The following CACNA2D2 variants were observed in gnomAD, a reference collection of about 807,000 sequenced individuals.
CACNA2D2 encodes the protein voltage-dependent calcium channel subunit alpha-2/delta-2.
CACNA2D2 carries 48 observed loss-of-function variants against 166.4 expected under a neutral mutation model. That is an observed-to-expected ratio of 0.29 (90% CI 0.23 to 0.37). CACNA2D2 has a LOEUF of 0.37. CACNA2D2 is among the 10% of genes least tolerant of loss of function. The pLI is 1.00. For synonymous variants in CACNA2D2, 561 were observed against 573.7 expected (o/e 0.98, Z 0.32); for missense variants, 1,122 against 1,433.0 (o/e 0.78, Z 3.50).
chr3:50,410,487 G>T (rs548680126), intron 3 of CACNA2D2, among the ~76,000 whole-genome samples: 9 of 152,000 alleles, frequency 5.9e-5, no homozygotes, highest in Non-Finnish European at 8.8e-5. Context: ...GGATGGGGGG[G>T]GGGGTGTTGT....
intron 2 of CACNA2D2, among the ~76,000 whole-genome samples, chr3:50,468,052 C>A (rs189202258): frequency 6.6e-6 from 1 of 152,154 alleles, no homozygotes; most frequent in Admixed American, 6.5e-5. Flanking sequence ...TCCGTGGCTG[C>A]CACTGATCCA....
At chr3:50,475,411 C>A (rs1284036924) in intron 2 of CACNA2D2, among the ~76,000 whole-genome samples, 1 of 152,184 alleles carries the variant, frequency 6.6e-6, no homozygotes. Context: ...ACAAGATCCT[C>A]AAAGACTGCA....
Position 50,364,634 on chromosome 3 carries a change from G to A in CACNA2D2, c.*32C>T. On this transcript the variant is annotated 3_prime_UTR_variant, in exon 38 of 38. Transcript: ENST00000424201. ...TGGGAAAGGCGAAGAGGCCGGGTGA[G>A]GTGGGAGTGGAGGTGGGGTGGGGCA... 2 of 1,486,676 alleles carry A rather than the reference G, an allele frequency of 1.3e-6. No homozygotes were observed. Among genetic ancestry groups the A allele is most frequent in the Non-Finnish European group, 1.8e-6 (2 of 1,117,828 alleles). The allele number at this position is 1,486,676 out of a possible 1,614,324, so 92.1% of individuals were successfully genotyped here.
intron 3 of CACNA2D2, among the ~76,000 whole-genome samples, chr3:50,417,677 C>A (rs1707327241): frequency 6.6e-6 from 1 of 152,220 alleles, no homozygotes; most frequent in South Asian, 2.1e-4. Flanking sequence ...CCTGTGCAGG[C>A]TCCAGGTTTG....
In CACNA2D2 at chr3:50,365,819, G is replaced by A. The variant is rs761881265; in HGVS notation, c.2906C>T (p.Ala969Val). Residue 969 changes from alanine (A) to valine (V), a missense_variant, in exon 33 of 38, where the codon GCT becomes GTT. Transcript: ENST00000424201. The surrounding 1 kb of genome is among the most constrained non-coding windows in gnomAD (Gnocchi z 4.5). ...CCCGCTCAGGACTCACCAGGCGGCAGCAGAGGTCCACCAGGCCAGGTTAAG... is the reference window on the plus strand; with the variant it reads ...CCCGCTCAGGACTCACCAGGCGGCAACAGAGGTCCACCAGGCCAGGTTAAG... ...DFLNLAWWTS[A>V]AAWSLFQQLL... 9.3e-6 allele frequency: 15 copies of A among 1,613,504 alleles called. No individual in the cohort carries two copies. Among genetic ancestry groups the A allele is most frequent in the Non-Finnish European group, 1.3e-5 (15 of 1,180,026 alleles).
intron 3 of CACNA2D2, among the ~76,000 whole-genome samples, chr3:50,431,113 G>A (rs1185836543): frequency 1.3e-5 from 2 of 152,152 alleles, no homozygotes; most frequent in Non-Finnish European, 2.9e-5. Context: ...GATTTAAATT[G>A]GATTACTGGA....
chr3:50,471,309 C>T (rs1340354850), intron 2 of CACNA2D2, among the ~76,000 whole-genome samples: 2 of 152,096 alleles, frequency 1.3e-5, no homozygotes, highest in Non-Finnish European at 2.9e-5. Flanking sequence ...GGGGACCTGG[C>T]CAAGGAGCTG....
rs1704051952 is a variant in CACNA2D2, at chr3:50,363,674, C to T, written c.*992G>A. ...AGGGTGATGTCTGGTGGGGGTTCCT[C>T]TGCCGAAAGGTGCAGGCAGTGGCAT... On this transcript the variant is annotated 3_prime_UTR_variant, in exon 38 of 38. Transcript: ENST00000424201. The T allele has an allele frequency of 5.9e-6, 1 of 168,176 alleles. No individual in the cohort carries two copies. 10.4% of individuals were successfully genotyped at this position (168,176 alleles called of 1,614,324 possible).
intron 3 of CACNA2D2, among the ~76,000 whole-genome samples, chr3:50,416,802 G>T (rs977757236): frequency 1.3e-5 from 2 of 152,246 alleles, no homozygotes; most frequent in Admixed American, 6.5e-5. Context: ...TCTAGGTGCA[G>T]AGGTGAGGCA....
At chr3:50,496,471 A>C (rs1041493117) in intron 1 of CACNA2D2, among the ~76,000 whole-genome samples, 1 of 152,380 alleles carries the variant, frequency 6.6e-6, no homozygotes, top group Admixed American at 6.5e-5. Flanking sequence ...CAAAGGCAAG[A>C]GCCAAACACA....
intron 15 of CACNA2D2, 48 bp downstream of exon 15, chr3:50,377,960 C>T: frequency 6.3e-7 from 1 of 1,584,016 alleles, no homozygotes; most frequent in Admixed American, 1.7e-5. Flanking sequence ...GGGCACATCT[C>T]CGGGGGAAGG....
Position 50,363,617 on chromosome 3 carries a change from C to A in CACNA2D2, c.*1049G>T. On this transcript the variant is annotated 3_prime_UTR_variant, in exon 38 of 38. Transcript: ENST00000424201. The stretch of plus-strand genomic sequence containing the variant: ...CAGATTGGCGGAAGGATGGCCCAGC[C>A]AGGAGAGACAAAGTCACCCCTGCTA... 1 of 229,928 alleles carries A rather than the reference C, an allele frequency of 4.3e-6. No homozygotes were observed. The highest frequency in any genetic ancestry group is 8.3e-6 in the Non-Finnish European group (1 of 120,380). The allele number at this position is 229,928 out of a possible 1,614,324, so 14.2% of individuals were successfully genotyped here.
chr3:50,377,698 C>A (rs1406043735), intron 16 of CACNA2D2, 34 bp downstream of exon 16: 2 of 1,600,050 alleles, frequency 1.2e-6, no homozygotes, highest in Non-Finnish European at 1.7e-6. Flanking sequence ...CCTCCCCAGG[C>A]ACACCCATAG....
At chr3:50,419,216 T>A (rs1707426412) in intron 3 of CACNA2D2, among the ~76,000 whole-genome samples, 1 of 152,160 alleles carries the variant, frequency 6.6e-6, no homozygotes, top group Non-Finnish European at 1.5e-5. Context: ...GCTCCCTCTC[T>A]AAAACAGGGA....
rs1315728848 is a variant in CACNA2D2 at position 50,363,264 on chromosome 3, A to G, written c.*1402T>C. On this transcript the variant is annotated 3_prime_UTR_variant, in exon 38 of 38. Transcript: ENST00000424201. ...CACCAGCAGTGGGCATGGACCACAC[A>G]CACACACTGAGAAAGCGACAAGCAA... 3 of 398,746 alleles carry G rather than the reference A, an allele frequency of 7.5e-6. No homozygotes were observed. The highest frequency in any genetic ancestry group is 1.3e-5 in the Non-Finnish European group (3 of 226,070). 24.7% of individuals were successfully genotyped at this position (398,746 alleles called of 1,614,324 possible). A position where few individuals can be genotyped will look rare whatever the true frequency, so the allele number is the denominator to read the frequency against.
chr3:50,371,346 ATG>A (rs35155126), intron 22 of CACNA2D2, among the ~76,000 whole-genome samples: 137 of 148,072 alleles, frequency 9.3e-4, no homozygotes, highest in African/African-American at 1.1e-3. Flanking sequence ...GTGAGCATGC[ATG>A]TGTGTGTGTG....
rs1030366335 is a variant in CACNA2D2 at position 50,367,906 on chromosome 3, G to A, written c.2144-4C>T. The A allele has an allele frequency of 4.5e-6, 3 of 661,766 alleles. No individual in the cohort carries two copies. The highest frequency in any genetic ancestry group is 5.1e-6 in the Non-Finnish European group (2 of 389,570). The allele number at this position is 661,766 out of a possible 1,614,324, so 41.0% of individuals were successfully genotyped here. A position where few individuals can be genotyped will look rare whatever the true frequency, so the allele number is the denominator to read the frequency against. On this transcript the variant is annotated splice_polypyrimidine_tract_variant and splice_region_variant and intron_variant, in intron 24 of 37. Transcript: ENST00000424201. The surrounding 1 kb of genome is among the most constrained non-coding windows in gnomAD (Gnocchi z 6.5). ...TTGTGCAGAAGGAAGTTGTTGCCTG[G>A]AACAGGAGGGGAGGGGTGGGGGTGG...
intron 15 of CACNA2D2, 85 bp from the exon 16 acceptor site, chr3:50,377,888 C>G: frequency 6.8e-7 from 1 of 1,472,300 alleles, no homozygotes; most frequent in Non-Finnish European, 9.4e-7. Flanking sequence ...GAGGTGCAGG[C>G]CACCTCTTTC....
intron 2 of CACNA2D2, among the ~76,000 whole-genome samples, chr3:50,455,214 G>A (rs1008941726): frequency 3.3e-5 from 5 of 152,146 alleles, no homozygotes; most frequent in Admixed American, 6.5e-5. Flanking sequence ...ACACATACTC[G>A]GACCCTCGCC....
Sources: gnomAD v4.1 joint callset for allele counts (sites outside exome capture counted in the v4.1 genomes callset) on GRCh38, gnomAD v4.1.1 for gene constraint, Gnocchi (gnomAD v3.1) non-coding constraint, MANE v1.5 for transcripts, NCBI Gene and HGNC (gene_info 2026-07-23, HGNC 2026-07-21) for gene names.